Variants in PRKCG observed in about 807,000 individuals in gnomAD.
PRKCG encodes protein kinase C gamma type.
Under a neutral mutation model 82.0 loss-of-function variants are expected in PRKCG, and 28 were observed. The ratio of observed to expected loss-of-function variants is 0.34; its 90% CI spans 0.25 to 0.47. The LOEUF (loss-of-function observed/expected upper bound fraction) is 0.47. Ranked by LOEUF, PRKCG falls within the 20% of genes least tolerant of loss-of-function variation. The probability of loss-of-function intolerance (pLI) is 1.00; values close to 1 mark genes in which losing one functional copy is unlikely to be tolerated. For synonymous variants in PRKCG, 383 were observed against 376.6 expected (o/e 1.02, Z -0.20); for missense variants, 640 against 952.7 (o/e 0.67, Z 4.32).
chr19:53,902,835 G>A (rs919565191), intron 14 of PRKCG, among the ~76,000 whole-genome samples: 1 of 137,712 alleles, frequency 7.3e-6, no homozygotes, highest in East Asian at 2.4e-4. Context: ...TTGAGGCTGA[G>A]TGAGCCGTGA....
chr19:53,896,545 A>G (rs886414023), intron 9 of PRKCG, among the ~76,000 whole-genome samples: 1 of 152,074 alleles, frequency 6.6e-6, no homozygotes, highest in African/African-American at 2.4e-5. Context: ...TTGGCCTCCC[A>G]AGTAGCTGGG....
chr19:53,882,738 G>A lies in PRKCG; in HGVS notation c.170+74G>A. The A allele has an allele frequency of 6.4e-7, 1 of 1,570,800 alleles. No homozygotes were observed. Among genetic ancestry groups the A allele is most frequent in the Non-Finnish European group, 8.6e-7 (1 of 1,156,764 alleles). On this transcript the variant is annotated intron_variant, in intron 1 of 17. Transcript: ENST00000263431. The surrounding 1 kb of genome is among the most constrained non-coding windows in gnomAD (Gnocchi z 6.1). Reference sequence around the variant, plus strand: ...AGACTCCTATCACGCCGACCCCTGTGGAAGGAAGAAGGAGGGGGCTGTAGT... The same window carrying A: ...AGACTCCTATCACGCCGACCCCTGTAGAAGGAAGAAGGAGGGGGCTGTAGT...
chr19:53,906,688 TC>T lies in PRKCG; in HGVS notation c.1906-14del. On this transcript the variant is annotated intron_variant, in intron 17 of 17. Transcript: ENST00000263431. ...GCCCTCGGAGCTGCTTAACTTTCCC[TC>T]CCCCACGTCTCCCACAGTGTGGCCG... 6.2e-7 allele frequency: 1 copy of T among 1,611,330 alleles called. No homozygotes were observed. Among genetic ancestry groups the T allele is most frequent in the African/African-American group, 1.3e-5 (1 of 74,808 alleles).
Position 53,900,740 on chromosome 19 carries a change from A to G in PRKCG, c.1566A>G (p.Ile522Met). 1 of 1,614,162 alleles carries G rather than the reference A, an allele frequency of 6.2e-7. No individual in the cohort carries two copies. The highest frequency in any genetic ancestry group is 8.5e-7 in the Non-Finnish European group (1 of 1,180,034). The change falls in exon 14 of 18, where the codon ATA becomes ATG. Residue 522 changes from isoleucine to methionine, a missense_variant. This residue lies in a region of PRKCG where 198 missense variants were observed against 273.4 expected (regional missense o/e 0.72). Coordinates refer to ENST00000263431, the MANE Select transcript of PRKCG (RefSeq NM_002739.5). The surrounding 1 kb of genome is among the most constrained non-coding windows in gnomAD (Gnocchi z 4.2). ...CCTTCTGCGGGACCCCGGACTACAT[A>G]GCCCCGGAGGTAACCCCAACCCTGC... is the stretch of plus-strand genomic sequence containing the variant. Reference protein sequence around the residue: ...TRTFCGTPDYIAPEIIAYQPY... With the variant: ...TRTFCGTPDYMAPEIIAYQPY...
At position 53,906,452 on chromosome 19, in the gene PRKCG, CG is replaced by C. The variant is rs1568764493; in HGVS notation, c.1901del (p.Arg634ProfsTer21). 6.3e-7 allele frequency: 1 copy of C among 1,574,964 alleles called. No individual in the cohort carries two copies. On this transcript the variant is annotated frameshift_variant, in exon 17 of 18. Transcript: ENST00000263431. LOFTEE classifies it low-confidence loss of function (END_TRUNC). ...RLEIPPPFRP[R>X]PCGRSGENFD... ...GGAGATCCCGCCTCCTTTCAGACCC[CG>C]CCCGGTCAGTCACCCTCCAGGCAAC... is the stretch of plus-strand genomic sequence containing the variant.
rs201381959 is a variant in PRKCG at position 53,892,955 on chromosome 19, G to A, written c.822-33G>A. 4.8e-3 allele frequency: 7,726 copies of A among 1,600,480 alleles called. 25 individuals carry two copies. Among genetic ancestry groups the A allele is most frequent in the Non-Finnish European group, 5.9e-3 (6,872 of 1,168,664 alleles). ...CCTCTCCCATGGGTGCCCCATCCCC[G>A]CTGCCCGCCTCTGGTCTCCGTCTGT... On this transcript the variant is annotated intron_variant, in intron 7 of 17. Transcript: ENST00000263431. The surrounding 1 kb of genome is among the most constrained non-coding windows in gnomAD (Gnocchi z 5.9).
Position 53,902,931 on chromosome 19 carries a change from A to T in PRKCG, c.1576-142A>T, listed in dbSNP as rs940956896. ...AAAAAAAAAAACGAAACAAAAAATC[A>T]CCTGATGAAATAAATATTCAGAGTG... is the stretch of plus-strand genomic sequence containing the variant. On this transcript the variant is annotated intron_variant, in intron 14 of 17. Transcript: ENST00000263431. The T allele has an allele frequency of 1.6e-5, 11 of 676,604 alleles. No homozygotes were observed. The African/African-American group carries it at 2.1e-4, about 13-fold the overall frequency. 41.9% of individuals were successfully genotyped at this position (676,604 alleles called of 1,614,324 possible).
Position 53,883,261 on chromosome 19 carries a change from G to A in PRKCG, c.202+67G>A. On this transcript the variant is annotated intron_variant, in intron 2 of 17. Transcript: ENST00000263431. This position sits in a 1 kb window ranked among gnomAD's most constrained non-coding sequence, Gnocchi z 5.4. ...TGGAGGCTGGGGCCCCACAGCTGAG[G>A]CTGCTTGACACACGTGTTCTCTGGT... 6.3e-7 allele frequency: 1 copy of A among 1,581,512 alleles called. No individual in the cohort carries two copies.
chr19:53,906,487 G>A, intron 17 of PRKCG, 30 bp downstream of exon 17: 2 of 1,568,986 alleles, frequency 1.3e-6, no homozygotes, highest in Non-Finnish European at 1.7e-6. Flanking sequence ...ACAAAAACCT[G>A]GTCCCTGAAG....
In PRKCG at chr19:53,882,327, C is replaced by A; in HGVS notation, c.-168C>A. 1 of 1,019,264 alleles carries A rather than the reference C, an allele frequency of 9.8e-7. No homozygotes were observed. The highest frequency in any genetic ancestry group is 1.4e-6 in the Non-Finnish European group (1 of 698,594). 63.1% of individuals were successfully genotyped at this position (1,019,264 alleles called of 1,614,324 possible). A position where few individuals can be genotyped will look rare whatever the true frequency, so the allele number is the denominator to read the frequency against. On this transcript the variant is annotated 5_prime_UTR_variant, in exon 1 of 18. Coordinates refer to ENST00000263431, the MANE Select transcript of PRKCG (RefSeq NM_002739.5). The surrounding 1 kb of genome is among the most constrained non-coding windows in gnomAD (Gnocchi z 6.1). ...TGGCGGAGCCGGCGCGCCCGGGGTG[C>A]CGCTCCCTGCCTGGCGCGCTCCGCA...
intron 17 of PRKCG, 35 bp from the exon 18 acceptor site, chr19:53,906,672 G>A (rs2068814353): frequency 1.2e-6 from 2 of 1,608,962 alleles, no homozygotes; most frequent in Non-Finnish European, 8.5e-7. Context: ...AGCCCTCGGA[G>A]CTGCTTAACT....
Position 53,900,800 on chromosome 19 carries a change from G to A in PRKCG, c.1575+51G>A. 2 of 1,612,952 alleles carry A rather than the reference G, an allele frequency of 1.2e-6. No homozygotes were observed. The highest frequency in any genetic ancestry group is 2.2e-5 in the South Asian group (2 of 91,056). ...CACGCTTTGAGATCCCTTAGAGGGT[G>A]TAGCTGATGGTCCAGTATTCACCAC... On this transcript the variant is annotated intron_variant, in intron 14 of 17. Coordinates refer to ENST00000263431, the MANE Select transcript of PRKCG (RefSeq NM_002739.5). The surrounding 1 kb of genome is among the most constrained non-coding windows in gnomAD (Gnocchi z 4.2).
rs1317662739 is a variant in PRKCG at position 53,883,732 on chromosome 19, A to G, written c.203-429A>G. ...GGCGGGCCGGCAGCAGCGCCCCCAG[A>G]CTCACTTCTGCCCAAGTTGCTGCTT... On this transcript the variant is annotated intron_variant, in intron 2 of 17. Transcript: ENST00000263431. The surrounding 1 kb of genome is among the most constrained non-coding windows in gnomAD (Gnocchi z 5.4). Among the ~76,000 whole-genome samples, 1 of 152,120 alleles carries G rather than the reference A, an allele frequency of 6.6e-6. No homozygotes were observed. The highest frequency in any genetic ancestry group is 2.1e-4 in the South Asian group (1 of 4,816).
chr19:53,906,367 A>G lies in PRKCG; in HGVS notation c.1815A>G (p.Glu605=). The change falls in exon 17 of 18, where the codon GAA becomes GAG. Residue 605 remains glutamate, a synonymous_variant. Coordinates refer to ENST00000263431, the MANE Select transcript of PRKCG (RefSeq NM_002739.5). The stretch of plus-strand genomic sequence containing the variant: ...GCCTGGGCTCAGGGCCTGATGGGGA[A>G]CCTACCATCCGTGCACATGGCTTTT... The part of the protein sequence containing the change: ...GKRLGSGPDG[E]PTIRAHGFFR... 1 of 1,553,876 alleles carries G rather than the reference A, an allele frequency of 6.4e-7. No homozygotes were observed. Among genetic ancestry groups the G allele is most frequent in the South Asian group, 1.2e-5 (1 of 84,376 alleles).
chr19:53,901,220 T>A lies in PRKCG; in HGVS notation c.1575+471T>A, dbSNP rs542111241. Among the ~76,000 whole-genome samples, 4 of 152,274 alleles carry A rather than the reference T, an allele frequency of 2.6e-5. No homozygotes were observed. The East Asian group carries it at 7.7e-4, about 29-fold the overall frequency. On this transcript the variant is annotated intron_variant, in intron 14 of 17. Coordinates refer to ENST00000263431, the MANE Select transcript of PRKCG (RefSeq NM_002739.5). ...GTTGTACGTGTTTCTCTGATGTAAG[T>A]GTACTGGACTTCTGTGCTGCATTTT...
In PRKCG at chr19:53,883,249, C is replaced by T. The variant is rs1599937629; in HGVS notation, c.202+55C>T. On this transcript the variant is annotated intron_variant, in intron 2 of 17. Coordinates refer to ENST00000263431, the MANE Select transcript of PRKCG (RefSeq NM_002739.5). This position sits in a 1 kb window ranked among gnomAD's most constrained non-coding sequence, Gnocchi z 5.4. ...CCCTCAGGAGGGTGGAGGCTGGGGCCCCACAGCTGAGGCTGCTTGACACAC... is the reference window on the plus strand; with the variant it reads ...CCCTCAGGAGGGTGGAGGCTGGGGCTCCACAGCTGAGGCTGCTTGACACAC... The T allele has an allele frequency of 6.2e-7, 1 of 1,604,414 alleles. No individual in the cohort carries two copies. Among genetic ancestry groups the T allele is most frequent in the Non-Finnish European group, 8.5e-7 (1 of 1,172,060 alleles).
At chr19:53,904,457 G>A (rs148592429) in intron 15 of PRKCG, among the ~76,000 whole-genome samples, 178 bp from the exon 16 acceptor site, 1 of 147,560 alleles carries the variant, frequency 6.8e-6, no homozygotes, top group East Asian at 2.0e-4. Flanking sequence ...GAGAACCTGA[G>A]AAGGAGAGAG....
At chr19:53,881,521 G>A (rs919538257), upstream of PRKCG, among the ~76,000 whole-genome samples, 2 of 152,084 alleles carry the variant, frequency 1.3e-5, no homozygotes, top group South Asian at 2.1e-4. Context: ...GAGAGACAGA[G>A]GGAGACTGAT....
intron 11 of PRKCG, among the ~76,000 whole-genome samples, chr19:53,898,974 G>C (rs552860832): frequency 2.9e-5 from 4 of 139,870 alleles, no homozygotes; most frequent in East Asian, 2.2e-4. Flanking sequence ...TGAAATCTTT[G>C]GGGGGGTGGT....
Sources: gnomAD v4.1 joint callset for allele counts (sites outside exome capture counted in the v4.1 genomes callset) on GRCh38, gnomAD v4.1.1 for gene constraint, gnomAD v4.1.1 regional missense constraint, Gnocchi (gnomAD v3.1) non-coding constraint, MANE v1.5 for transcripts, NCBI Gene and HGNC (gene_info 2026-07-23, HGNC 2026-07-21) for gene names.